The following SULT1E1 variants were observed in gnomAD, a reference collection of about 807,000 sequenced individuals.
SULT1E1 encodes sulfotransferase family 1E member 1.
Under a neutral mutation model 33.6 loss-of-function variants are expected in SULT1E1, and 36 were observed. The observed-to-expected ratio is 1.07, with a 90% CI of 0.82 to 1.41. The LOEUF (loss-of-function observed/expected upper bound fraction) is 1.41, where lower values mean the gene tolerates loss of function less well. SULT1E1 is among the 40% of genes most tolerant of loss of function. The pLI is 0.00. For missense variants in SULT1E1, 371 were observed against 345.7 expected (o/e 1.07, Z -0.58); for synonymous variants, 121 against 111.7 (o/e 1.08, Z -0.53).
chr4:69,827,421 G>T, the SULT1E1 span, among the ~76,000 whole-genome samples: 219 of 152,166 alleles, frequency 1.4e-3, no homozygotes, highest in African/African-American at 5.0e-3. Flanking sequence ...CTGTTGACCC[G>T]TGTTCTAGAA....
chr4:69,855,517 T>G (rs1578106692), intron 2 of SULT1E1, 91 bp from the exon 3 acceptor site: 1 of 1,352,832 alleles, frequency 7.4e-7, no homozygotes, highest in Non-Finnish European at 1.0e-6. Context: ...AGTTGGAAGG[T>G]ACCAATGCAA....
downstream of SULT1E1, among the ~76,000 whole-genome samples, chr4:69,840,845 G>A (rs1720869144): frequency 6.6e-6 from 1 of 152,100 alleles, no homozygotes; most frequent in Non-Finnish European, 1.5e-5. Flanking sequence ...AGGAGATCGA[G>A]ACCATCCTGG....
chr4:69,856,812 T>C (rs1721249171), intron 2 of SULT1E1, among the ~76,000 whole-genome samples: 1 of 151,328 alleles, frequency 6.6e-6, no homozygotes. Flanking sequence ...GGCGGGCGCC[T>C]GCAGTCCCAG....
intron 1 of SULT1E1, 98 bp downstream of exon 1, chr4:69,859,951 T>G (rs34879420): frequency 6.6e-6 from 1 of 152,122 alleles, no homozygotes; most frequent in East Asian, 1.9e-4. Context: ...TTGGTCTTTG[T>G]ATATTTTATT....
chr4:69,822,177 G>A, the SULT1E1 span, among the ~76,000 whole-genome samples: 7 of 152,134 alleles, frequency 4.6e-5, no homozygotes, highest in Non-Finnish European at 1.0e-4. Context: ...CAATTCTGTT[G>A]TTGGTAGACA....
intron 4 of SULT1E1, among the ~76,000 whole-genome samples, chr4:69,850,219 T>G (rs1721073744): frequency 6.6e-6 from 1 of 152,086 alleles, no homozygotes; most frequent in African/African-American, 2.4e-5. Context: ...ACAGTAATTT[T>G]TGACCTAAAT....
chr4:69,837,086 C>CAA (rs3077549), downstream of SULT1E1, among the ~76,000 whole-genome samples: 4 of 145,244 alleles, frequency 2.8e-5, no homozygotes, highest in Admixed American at 6.8e-5. Context: ...CTCCCTGTCT[C>CAA]AAAAAAAAAA....
At chr4:69,857,432 C>T in intron 2 of SULT1E1, 68 bp downstream of exon 2, 1 of 1,532,836 alleles carries the variant, frequency 6.5e-7, no homozygotes, top group Non-Finnish European at 8.8e-7. Flanking sequence ...GACATGAACA[C>T]CTTAATATTT....
At chr4:69,859,310 AC>A (rs945103579) in intron 1 of SULT1E1, among the ~76,000 whole-genome samples, 3 of 151,724 alleles carry the variant, frequency 2.0e-5, no homozygotes, top group African/African-American at 7.3e-5. Flanking sequence ...TCCAGCAAAT[AC>A]TCCCTATGTG....
chr4:69,847,379 A>C (rs1438325988), intron 6 of SULT1E1, among the ~76,000 whole-genome samples: 2 of 151,138 alleles, frequency 1.3e-5, no homozygotes, highest in Non-Finnish European at 3.0e-5. Context: ...TTGCTTGCCC[A>C]TGTTGATTCC....
At chr4:69,843,134 C>T (rs1348692695) in intron 7 of SULT1E1, among the ~76,000 whole-genome samples, 1 of 152,122 alleles carries the variant, frequency 6.6e-6, no homozygotes, top group African/African-American at 2.4e-5. Context: ...CCGCGCCCAG[C>T]CCACCTTCTT....
intron 6 of SULT1E1, among the ~76,000 whole-genome samples, chr4:69,847,458 C>T (rs1273037021): frequency 6.6e-6 from 1 of 151,198 alleles, no homozygotes; most frequent in Non-Finnish European, 1.5e-5. Context: ...CAAGTTCTTT[C>T]AAATTTTTTC....
the SULT1E1 span, among the ~76,000 whole-genome samples, chr4:69,822,539 G>A: frequency 1.3e-3 from 199 of 152,242 alleles, no homozygotes; most frequent in Non-Finnish European, 1.5e-3. Flanking sequence ...TCATTTGAGC[G>A]TAGAAGTTTC....
chr4:69,854,474 AT>A (rs1721196938), intron 3 of SULT1E1, among the ~76,000 whole-genome samples, 160 bp from the exon 4 acceptor site: 1 of 152,052 alleles, frequency 6.6e-6, no homozygotes, highest in South Asian at 2.1e-4. Flanking sequence ...TGGACACCCC[AT>A]TTTCCATGGT....
the SULT1E1 span, among the ~76,000 whole-genome samples, chr4:69,830,523 T>C: frequency 6.6e-6 from 1 of 152,232 alleles, no homozygotes; most frequent in Non-Finnish European, 1.5e-5. Context: ...TTTTCCTGCA[T>C]TGGCTGCTTT....
chr4:69,845,470 C>T (rs750662336), intron 6 of SULT1E1, among the ~76,000 whole-genome samples: 3 of 150,894 alleles, frequency 2.0e-5, no homozygotes, highest in Non-Finnish European at 4.4e-5. Context: ...GATGATGCTT[C>T]AAGACACAAG....
intron 5 of SULT1E1, 196 bp downstream of exon 5, chr4:69,849,241 C>T (rs540820965): frequency 2.4e-6 from 1 of 414,842 alleles, no homozygotes; most frequent in Non-Finnish European, 4.3e-6. Context: ...GACCAGAGTG[C>T]TCAGATTCTG....
intron 5 of SULT1E1, among the ~76,000 whole-genome samples, chr4:69,848,439 T>C (rs1721027205): frequency 1.3e-5 from 2 of 151,830 alleles, no homozygotes; most frequent in Non-Finnish European, 2.9e-5. Flanking sequence ...CAAAATAATA[T>C]AATGTTGTGT....
At chr4:69,843,134 C>A (rs1348692695) in intron 7 of SULT1E1, among the ~76,000 whole-genome samples, 1 of 152,240 alleles carries the variant, frequency 6.6e-6, no homozygotes, top group African/African-American at 2.4e-5. Context: ...CCGCGCCCAG[C>A]CCACCTTCTT....
Sources: gnomAD v4.1 joint callset for allele counts (sites outside exome capture counted in the v4.1 genomes callset) on GRCh38, gnomAD v4.1.1 for gene constraint, MANE v1.5 for transcripts, NCBI Gene and HGNC (gene_info 2026-07-23, HGNC 2026-07-21) for gene names.